KAT6B: variants seen among roughly 807,000 people sequenced by gnomAD.
The protein encoded by KAT6B is histone acetyltransferase KAT6B.
Under a neutral mutation model 187.5 loss-of-function variants are expected in KAT6B, and 10 were observed. The ratio of observed to expected loss-of-function variants is 0.05; its 90% CI spans 0.03 to 0.09. The LOEUF is 0.09. KAT6B is among the 10% of genes least tolerant of loss of function. KAT6B has a pLI of 1.00. For synonymous variants in KAT6B, 861 were observed against 926.8 expected (o/e 0.93, Z 1.29); for missense variants, 1,952 against 2,558.9 (o/e 0.76, Z 5.12).
chr10:74,900,469 G>C (rs1371570294), intron 3 of KAT6B, among the ~76,000 whole-genome samples: 1 of 152,186 alleles, frequency 6.6e-6, no homozygotes, highest in Non-Finnish European at 1.5e-5. Context: ...TCTTGTTGGG[G>C]GTGGGAAAAT....
At chr10:74,914,652 C>T (rs1219108157) in intron 3 of KAT6B, among the ~76,000 whole-genome samples, 1 of 152,166 alleles carries the variant, frequency 6.6e-6, no homozygotes, top group African/African-American at 2.4e-5. Flanking sequence ...TTGAATTCAA[C>T]AATTTAAAAG....
intron 4 of KAT6B, among the ~76,000 whole-genome samples, chr10:74,968,934 T>G (rs1841669115): frequency 6.6e-6 from 1 of 152,084 alleles, no homozygotes; most frequent in South Asian, 2.1e-4. Context: ...TGTGGAGCGC[T>G]GCTAGGTGAA....
intron 3 of KAT6B, among the ~76,000 whole-genome samples, chr10:74,947,655 T>C (rs912441912): frequency 4.6e-5 from 7 of 152,220 alleles, no homozygotes; most frequent in Admixed American, 2.6e-4. Flanking sequence ...TAATGGGCTT[T>C]TTCTTCCTTC....
rs563875915 is a variant in KAT6B at position 75,011,691 on chromosome 10, A to G, written c.2630-8891A>G. Among the ~76,000 whole-genome samples the G allele has an allele frequency of 3.2e-4, 48 of 152,296 alleles. 2 individuals carry two copies. Among genetic ancestry groups the G allele is most frequent in the African/African-American group, 1.1e-3 (45 of 41,560 alleles). On this transcript the variant is annotated intron_variant, in intron 13 of 17. Transcript: ENST00000287239. ...AACAAGGAAATTGAAGGATGAATCT[A>G]TATCATAGTCAGTCACCTTATTAAA... is the stretch of plus-strand genomic sequence containing the variant.
Position 74,976,565 on chromosome 10 carries a change from T to C in KAT6B, c.1993+235T>C, listed in dbSNP as rs939467564. ...TCCCACCTTTTATTATTTATTTCCATTCGTAGTGACACTAGGACCCCCAGA... is the reference window on the plus strand; with the variant it reads ...TCCCACCTTTTATTATTTATTTCCACTCGTAGTGACACTAGGACCCCCAGA... On this transcript the variant is annotated intron_variant, in intron 8 of 17. Transcript: ENST00000287239. 15 of 575,214 alleles carry C rather than the reference T, an allele frequency of 2.6e-5. No homozygotes were observed. In the African/African-American group the frequency reaches 2.8e-4, roughly 11 times the overall value. 35.6% of individuals were successfully genotyped at this position (575,214 alleles called of 1,614,324 possible). A position where few individuals can be genotyped will look rare whatever the true frequency, so the allele number is the denominator to read the frequency against.
chr10:74,876,646 G>A (rs903051754), intron 3 of KAT6B, among the ~76,000 whole-genome samples: 86 of 152,218 alleles, frequency 5.6e-4, no homozygotes, highest in African/African-American at 1.7e-3. Flanking sequence ...GGGTGTGGTG[G>A]CTCATGCCTG....
At chr10:74,835,129 T>TGGC (rs1410319797) in intron 1 of KAT6B, among the ~76,000 whole-genome samples, 1 of 152,146 alleles carries the variant, frequency 6.6e-6, no homozygotes, top group Non-Finnish European at 1.5e-5. Context: ...GAAATGAATG[T>TGGC]CAAAACAGTA....
In KAT6B at chr10:75,031,648, T is replaced by C. The variant is rs1589850326; in HGVS notation, c.*602T>C. 3 of 211,414 alleles carry C rather than the reference T, an allele frequency of 1.4e-5. No homozygotes were observed. In the East Asian group the frequency reaches 2.1e-4, roughly 15 times the overall value. The allele number at this position is 211,414 out of a possible 1,614,324, so 13.1% of individuals were successfully genotyped here. ...ACTATATTTTTGTTAATTATAAAACTGTAAAGAGCTATAAAAGCTATTCCC... is the reference window on the plus strand; with the variant it reads ...ACTATATTTTTGTTAATTATAAAACCGTAAAGAGCTATAAAAGCTATTCCC... On this transcript the variant is annotated 3_prime_UTR_variant, in exon 18 of 18. Coordinates refer to ENST00000287239, the MANE Select transcript of KAT6B (RefSeq NM_012330.4).
intron 3 of KAT6B, among the ~76,000 whole-genome samples, chr10:74,873,927 A>G (rs1844204934): frequency 6.6e-6 from 1 of 152,224 alleles, no homozygotes; most frequent in Non-Finnish European, 1.5e-5. Flanking sequence ...TACTCTACCC[A>G]GAAAACCAAA....
chr10:74,953,401 A>G (rs1840453380), intron 3 of KAT6B, among the ~76,000 whole-genome samples: 1 of 152,222 alleles, frequency 6.6e-6, no homozygotes, highest in Non-Finnish European at 1.5e-5. Context: ...TTTACAAAAT[A>G]CTTTCCACAC....
chr10:74,867,679 G>C (rs1843649508), intron 3 of KAT6B, among the ~76,000 whole-genome samples: 1 of 152,210 alleles, frequency 6.6e-6, no homozygotes, highest in Non-Finnish European at 1.5e-5. Flanking sequence ...GTTAGACTCT[G>C]GGTGGTGGGT....
Position 75,025,173 on chromosome 10 carries a change from G to C in KAT6B, c.3588G>C (p.Gln1196His). Residue 1196 changes from glutamine to histidine, a missense_variant, in exon 17 of 18, where the codon CAG (glutamine) becomes CAC (histidine). By Grantham distance (24) the Gln-to-His change is conservative. Transcript: ENST00000287239. ...KPVLRKAFQH[Q>H]PGKKRQTEEE... is the part of the protein sequence containing the mutation. ...TCCTGAGAAAAGCATTCCAGCATCA[G>C]CCTGGGAAGAAAAGACAAACAGAGG... 1 of 1,614,230 alleles carries C rather than the reference G, an allele frequency of 6.2e-7. No individual in the cohort carries two copies. Among genetic ancestry groups the C allele is most frequent in the Non-Finnish European group, 8.5e-7 (1 of 1,180,026 alleles).
At chr10:74,852,200 C>G (rs1842523693) in intron 3 of KAT6B, among the ~76,000 whole-genome samples, 1 of 152,106 alleles carries the variant, frequency 6.6e-6, no homozygotes, top group African/African-American at 2.4e-5. Context: ...AATTGGTATC[C>G]TTTGTGTTGC....
chr10:74,884,381 A>G (rs1481890041), intron 3 of KAT6B, among the ~76,000 whole-genome samples: 1 of 152,256 alleles, frequency 6.6e-6, no homozygotes, highest in Non-Finnish European at 1.5e-5. Context: ...GCAACCGAAG[A>G]TAGATGAGAC....
At chr10:74,841,834 A>G (rs1192022193) in intron 2 of KAT6B, among the ~76,000 whole-genome samples, 2 of 152,214 alleles carry the variant, frequency 1.3e-5, no homozygotes, top group Non-Finnish European at 2.9e-5. Context: ...GCCTCTTTGT[A>G]GATGTACTCA....
In KAT6B at chr10:75,019,764, C is replaced by CTT. The variant is rs71307707; in HGVS notation, c.2630-802_2630-801dup. ...TCAAGTGGATTTAAAGGGCTGGTTT[C>CTT]TTTTTTTTTTTTTTTTTCCATTTTT... On this transcript the variant is annotated intron_variant, in intron 13 of 17. Transcript: ENST00000287239. Among the ~76,000 whole-genome samples, 304 of 129,412 alleles carry CTT rather than the reference C, an allele frequency of 2.3e-3. 1 individual carries two copies. Among genetic ancestry groups the CTT allele is most frequent in the East Asian group, 0.011 (51 of 4,550 alleles). The allele number at this position is 129,412 out of a possible 152,430, so 84.9% of individuals were successfully genotyped here.
intron 3 of KAT6B, among the ~76,000 whole-genome samples, chr10:74,877,725 G>A (rs753208875): frequency 2.0e-5 from 3 of 152,068 alleles, no homozygotes; most frequent in Non-Finnish European, 4.4e-5. Context: ...CAAGATGTTG[G>A]TTTATAAAAT....
chr10:74,997,037 T>C (rs1843481118), intron 13 of KAT6B, among the ~76,000 whole-genome samples: 1 of 152,112 alleles, frequency 6.6e-6, no homozygotes, highest in South Asian at 2.1e-4. Flanking sequence ...CTTTTAAGTT[T>C]GGTAGCATTA....
At chr10:74,903,266 C>G (rs185760817) in intron 3 of KAT6B, among the ~76,000 whole-genome samples, 265 of 152,232 alleles carry the variant, frequency 1.7e-3, no homozygotes, top group African/African-American at 6.2e-3. Flanking sequence ...ATATCTTCCC[C>G]TTTGAGTATA....
Sources: gnomAD v4.1 joint callset for allele counts (sites outside exome capture counted in the v4.1 genomes callset) on GRCh38, gnomAD v4.1.1 for gene constraint, MANE v1.5 for transcripts, NCBI Gene and HGNC (gene_info 2026-07-23, HGNC 2026-07-21) for gene names.